The following NKX2-4 variants were observed in gnomAD, a reference collection of about 807,000 sequenced individuals.
NKX2-4 encodes the protein NK2 homeobox 4.
Under a neutral mutation model 8.6 loss-of-function variants are expected in NKX2-4, and 6 were observed. The ratio of observed to expected loss-of-function variants is 0.70; its 90% CI spans 0.38 to 1.38. The LOEUF (loss-of-function observed/expected upper bound fraction) is 1.38, where lower values mean the gene tolerates loss of function less well. Among genes scored for constraint, NKX2-4 ranks in the 40% most tolerant of loss-of-function variants. The pLI is 0.02. For missense variants in NKX2-4, 601 were observed against 548.4 expected, an observed-to-expected ratio of 1.10 and a Z score of -0.96; for synonymous variants, 299 against 272.6, an observed-to-expected ratio of 1.10 and a Z score of -0.95.
chr20:21,395,939 G>C lies in NKX2-4; in HGVS notation c.1037C>G (p.Ala346Gly), dbSNP rs753760933. Residue 346 changes from alanine to glycine, a missense_variant, in exon 2 of 2, where the codon GCC (alanine) becomes GGC (glycine). By Grantham distance (60) the Ala-to-Gly change is moderately conservative. Coordinates refer to ENST00000351817, the MANE Select transcript of NKX2-4 (RefSeq NM_033176.2). ...AGEYSGGVLG[A>G]NLLYGRTW is the part of the protein sequence containing the mutation. ...CCACGTCCTGCCATAGAGCAGGTTG[G>C]CGCCCAGGACGCCGCCGCTGTACTC... 1.3e-5 allele frequency: 18 copies of C among 1,337,324 alleles called. No homozygotes were observed. The highest frequency in any genetic ancestry group is 2.4e-5 in the South Asian group (1 of 41,726). 82.8% of individuals were successfully genotyped at this position (1,337,324 alleles called of 1,614,324 possible).
chr20:21,397,480 C>T lies in NKX2-4; in HGVS notation c.-81G>A, dbSNP rs932747867. The T allele has an allele frequency of 3.7e-5, 45 of 1,226,382 alleles. 1 individual carries two copies. The highest frequency in any genetic ancestry group is 8.9e-5 in the Admixed American group (2 of 22,382). The allele number at this position is 1,226,382 out of a possible 1,614,324, so 76.0% of individuals were successfully genotyped here. ...GGCCGCTCGTCGCCGCCACCTCGGC[C>T]GCGGCAGCTGAGCCTGTGACGAGGA... On this transcript the variant is annotated 5_prime_UTR_variant, in exon 1 of 2. Transcript: ENST00000351817.
In NKX2-4 at chr20:21,396,150, C is replaced by T. The variant is rs751148824; in HGVS notation, c.826G>A (p.Ala276Thr). 2 of 1,469,630 alleles carry T rather than the reference C, an allele frequency of 1.4e-6. No homozygotes were observed. Among genetic ancestry groups the T allele is most frequent in the East Asian group, 5.7e-5 (2 of 35,104 alleles). 91.0% of individuals were successfully genotyped at this position (1,469,630 alleles called of 1,614,324 possible). A position where few individuals can be genotyped will look rare whatever the true frequency, so the allele number is the denominator to read the frequency against. Residue 276 changes from alanine to threonine, a missense_variant, in exon 2 of 2, where the codon GCG becomes ACG. Coordinates refer to ENST00000351817, the MANE Select transcript of NKX2-4 (RefSeq NM_033176.2). ...PPPPPSPRRVAVPVLVKDGKP... is the reference protein window; with the variant it reads ...PPPPPSPRRVTVPVLVKDGKP... ...CCGTCCTTGACCAGCACAGGCACCG[C>T]CACGCGGCGCGGGGACGGCGGCGGA...
Position 21,397,367 on chromosome 20 carries a change from G to A in NKX2-4, c.33C>T (p.Phe11=), listed in dbSNP as rs1031850070. 3 of 1,448,388 alleles carry A rather than the reference G, an allele frequency of 2.1e-6. No homozygotes were observed. Among genetic ancestry groups the A allele is most frequent in the African/African-American group, 2.9e-5 (2 of 68,348 alleles). 89.7% of individuals were successfully genotyped at this position (1,448,388 alleles called of 1,614,324 possible). MSLSPKHTTP[F]SVSDILSPIE... ...TGGGGCTCAGGATGTCGGACACGGAGAAGGGCGTCGTGTGCTTTGGGCTCA... is the reference window on the plus strand; with the variant it reads ...TGGGGCTCAGGATGTCGGACACGGAAAAGGGCGTCGTGTGCTTTGGGCTCA... Residue 11 remains phenylalanine, a synonymous_variant, in exon 1 of 2, where the codon TTC becomes TTT. Transcript: ENST00000351817.
chr20:21,395,901 G>A lies in NKX2-4; in HGVS notation c.*10C>T, dbSNP rs1375931423. 7.6e-7 allele frequency: 1 copy of A among 1,314,216 alleles called. No individual in the cohort carries two copies. Among genetic ancestry groups the A allele is most frequent in the Non-Finnish European group, 9.7e-7 (1 of 1,030,008 alleles). The allele number at this position is 1,314,216 out of a possible 1,614,324, so 81.4% of individuals were successfully genotyped here. On this transcript the variant is annotated 3_prime_UTR_variant, in exon 2 of 2. Coordinates refer to ENST00000351817, the MANE Select transcript of NKX2-4 (RefSeq NM_033176.2). Reference sequence around the variant, plus strand: ...GTGCACCAGGACCTAGCCCCGGGGCGCCCTCGCTGTCACCACGTCCTGCCA... The same window carrying A: ...GTGCACCAGGACCTAGCCCCGGGGCACCCTCGCTGTCACCACGTCCTGCCA...
In NKX2-4 at chr20:21,397,328, G is replaced by C; in HGVS notation, c.72C>G (p.Tyr24Ter). 1.4e-6 allele frequency: 2 copies of C among 1,422,210 alleles called. No homozygotes were observed. Among genetic ancestry groups the C allele is most frequent in the Non-Finnish European group, 1.8e-6 (2 of 1,086,854 alleles). 88.1% of individuals were successfully genotyped at this position (1,422,210 alleles called of 1,614,324 possible). A position where few individuals can be genotyped will look rare whatever the true frequency, so the allele number is the denominator to read the frequency against. ...SDILSPIEETYKKFSGAMDGA... is the reference protein window; with the variant it reads ...SDILSPIEET ...CGTCCATGGCGCCGCTGAACTTCTT[G>C]TAGGTCTCCTCGATGGGGCTCAGGA... is the stretch of plus-strand genomic sequence containing the variant. The change falls in exon 1 of 2, where the codon TAC (tyrosine) becomes TAG (stop). Residue 24 changes from tyrosine to a stop codon, truncating the protein, a stop_gained. Coordinates refer to ENST00000351817, the MANE Select transcript of NKX2-4 (RefSeq NM_033176.2). LOFTEE classifies it high-confidence loss of function.
Position 21,397,291 on chromosome 20 carries a change from C to T in NKX2-4, c.109G>A (p.Gly37Ser), listed in dbSNP as rs1455181633. ...GCGGCCCCCAGGGGCGCCCCCAGGC[C>T]GGGTGGCGCGCCGTCCATGGCGCCG... is the stretch of plus-strand genomic sequence containing the variant. ...FSGAMDGAPP[G>S]LGAPLGAAAA... is the part of the protein sequence containing the mutation. Residue 37 changes from glycine to serine, a missense_variant, in exon 1 of 2, where the codon GGC becomes AGC. By Grantham distance (56) the Gly-to-Ser change is moderately conservative (BLOSUM62 0). Transcript: ENST00000351817. 1 of 1,297,564 alleles carries T rather than the reference C, an allele frequency of 7.7e-7. No homozygotes were observed. The allele number at this position is 1,297,564 out of a possible 1,614,324, so 80.4% of individuals were successfully genotyped here.
Position 21,397,441 on chromosome 20 carries a change from C to G in NKX2-4, c.-42G>C, listed in dbSNP as rs746291889. 5.5e-6 allele frequency: 7 copies of G among 1,263,720 alleles called. No homozygotes were observed. In the African/African-American group the frequency reaches 1.1e-4, roughly 20 times the overall value. The allele number at this position is 1,263,720 out of a possible 1,614,324, so 78.3% of individuals were successfully genotyped here. On this transcript the variant is annotated 5_prime_UTR_variant, in exon 1 of 2. Coordinates refer to ENST00000351817, the MANE Select transcript of NKX2-4 (RefSeq NM_033176.2). The stretch of plus-strand genomic sequence containing the variant: ...AGGTAGGGGGGCCTGGGGCGCGCGC[C>G]GGCAGGACGCGGCGGCCGCTCGTCG...
Position 21,397,187 on chromosome 20 carries a change from C to T in NKX2-4, c.213G>A (p.Met71Ile), listed in dbSNP as rs1280283790. The stretch of plus-strand genomic sequence containing the variant: ...CCGCGGCCGCCGCGTTGTGACCCGC[C>T]ATGGCGTGAGAAGGCTGCATGCCCG... ...TVAGMQPSHA[M>I]AGHNAAAAAA... The change falls in exon 1 of 2, where the codon ATG becomes ATA. Residue 71 changes from methionine (M) to isoleucine (I), a missense_variant. Met to Ile is a conservative substitution (Grantham distance 10, BLOSUM62 1). Transcript: ENST00000351817. The T allele has an allele frequency of 1.6e-6, 2 of 1,261,858 alleles. No individual in the cohort carries two copies. Among genetic ancestry groups the T allele is most frequent in the African/African-American group, 3.2e-5 (2 of 63,472 alleles). 78.2% of individuals were successfully genotyped at this position (1,261,858 alleles called of 1,614,324 possible). A position where few individuals can be genotyped will look rare whatever the true frequency, so the allele number is the denominator to read the frequency against.
At position 21,395,890 on chromosome 20, in the gene NKX2-4, A is replaced by C; in HGVS notation, c.*21T>G. ...AGACCCTTCGGGTGCACCAGGACCT[A>C]GCCCCGGGGCGCCCTCGCTGTCACC... On this transcript the variant is annotated 3_prime_UTR_variant, in exon 2 of 2. Coordinates refer to ENST00000351817, the MANE Select transcript of NKX2-4 (RefSeq NM_033176.2). The C allele has an allele frequency of 9.2e-6, 12 of 1,310,358 alleles. No individual in the cohort carries two copies. Among genetic ancestry groups the C allele is most frequent in the Non-Finnish European group, 9.7e-6 (10 of 1,028,088 alleles). The allele number at this position is 1,310,358 out of a possible 1,614,324, so 81.2% of individuals were successfully genotyped here. A position where few individuals can be genotyped will look rare whatever the true frequency, so the allele number is the denominator to read the frequency against.
rs748717551 is a variant in NKX2-4 at position 21,396,175 on chromosome 20, A to G, written c.801T>C (p.Pro267=). Residue 267 remains proline (P), a synonymous_variant, in exon 2 of 2, where the codon CCT becomes CCC. Transcript: ENST00000351817. ...CCACGCGGCGCGGGGACGGCGGCGG[A>G]GGCGGCGGCGGGCCCAGGCCGCCCT... is the stretch of plus-strand genomic sequence containing the variant. ...QQEGGLGPPP[P]PPPSPRRVAV... 1 of 1,499,974 alleles carries G rather than the reference A, an allele frequency of 6.7e-7. No individual in the cohort carries two copies. The highest frequency in any genetic ancestry group is 8.9e-7 in the Non-Finnish European group (1 of 1,128,902). 92.9% of individuals were successfully genotyped at this position (1,499,974 alleles called of 1,614,324 possible).
Position 21,396,550 on chromosome 20 carries a change from A to G in NKX2-4, c.443-17T>C, listed in dbSNP as rs755178877. 40 of 1,389,108 alleles carry G rather than the reference A, an allele frequency of 2.9e-5. 1 individual carries two copies. In the Admixed American group the frequency reaches 9.4e-4, roughly 33 times the overall value. 86.0% of individuals were successfully genotyped at this position (1,389,108 alleles called of 1,614,324 possible). ...ACCTGGAGACTGGGGAAGAGTCCCA[A>G]GGGGGAAGGCGAGTGAGCTCCAGGC... is the stretch of plus-strand genomic sequence containing the variant. On this transcript the variant is annotated splice_polypyrimidine_tract_variant and intron_variant, in intron 1 of 1. Transcript: ENST00000351817.
At position 21,396,305 on chromosome 20, in the gene NKX2-4, C is replaced by T; in HGVS notation, c.671G>A (p.Ser224Asn). Residue 224 changes from serine (S) to asparagine (N), a missense_variant, in exon 2 of 2, where the codon AGC (serine) becomes AAC (asparagine). Physicochemically the swap from Ser to Asn is conservative, Grantham distance 46. Coordinates refer to ENST00000351817, the MANE Select transcript of NKX2-4 (RefSeq NM_033176.2). The part of the protein sequence containing the change: ...LSAPEREHLA[S>N]MIHLTPTQVK... ...CTGCGTGGGCGTCAGGTGGATCATG[C>T]TGGCCAGGTGCTCGCGCTCGGGCGC... 6.2e-7 allele frequency: 1 copy of T among 1,605,362 alleles called. No individual in the cohort carries two copies. Among genetic ancestry groups the T allele is most frequent in the Middle Eastern group, 2.0e-4 (1 of 5,014 alleles).
At chr20:21,396,728 A>T (rs951444834) in intron 1 of NKX2-4, among the ~76,000 whole-genome samples, 195 bp from the exon 2 acceptor site, 2 of 146,810 alleles carry the variant, frequency 1.4e-5, no homozygotes, top group Non-Finnish European at 3.0e-5. Flanking sequence ...CACGCCCTCA[A>T]CGGGTCCCAG....
At position 21,397,345 on chromosome 20, in the gene NKX2-4, G is replaced by C; in HGVS notation, c.55C>G (p.Pro19Ala). The change falls in exon 1 of 2, where the codon CCC becomes GCC. Residue 19 changes from proline to alanine, a missense_variant. Physicochemically the swap from Pro to Ala is conservative, Grantham distance 27 (BLOSUM62 -1). Transcript: ENST00000351817. Reference sequence around the variant, plus strand: ...AACTTCTTGTAGGTCTCCTCGATGGGGCTCAGGATGTCGGACACGGAGAAG... The same window carrying C: ...AACTTCTTGTAGGTCTCCTCGATGGCGCTCAGGATGTCGGACACGGAGAAG... ...TPFSVSDILS[P>A]IEETYKKFSG... The C allele has an allele frequency of 6.9e-7, 1 of 1,444,838 alleles. No homozygotes were observed. Among genetic ancestry groups the C allele is most frequent in the African/African-American group, 1.5e-5 (1 of 68,384 alleles). The allele number at this position is 1,444,838 out of a possible 1,614,324, so 89.5% of individuals were successfully genotyped here.
Position 21,396,293 on chromosome 20 carries a change from A to C in NKX2-4, c.683T>G (p.Leu228Arg). ...CCAGATCTTGACCTGCGTGGGCGTCAGGTGGATCATGCTGGCCAGGTGCTC... is the reference window on the plus strand; with the variant it reads ...CCAGATCTTGACCTGCGTGGGCGTCCGGTGGATCATGCTGGCCAGGTGCTC... ...EREHLASMIHLTPTQVKIWFQ... is the reference protein window; with the variant it reads ...EREHLASMIHRTPTQVKIWFQ... Residue 228 changes from leucine (L) to arginine (R), a missense_variant, in exon 2 of 2, where the codon CTG (leucine) becomes CGG (arginine). By Grantham distance (102) the Leu-to-Arg change is moderately radical. Coordinates refer to ENST00000351817, the MANE Select transcript of NKX2-4 (RefSeq NM_033176.2). The C allele has an allele frequency of 6.2e-7, 1 of 1,605,608 alleles. No homozygotes were observed. Among genetic ancestry groups the C allele is most frequent in the African/African-American group, 1.4e-5 (1 of 73,614 alleles).
In NKX2-4 at chr20:21,395,992, G is replaced by A; in HGVS notation, c.984C>T (p.Gly328=). ...SPPALHGPGG[G]LAALDAAAGE... ...CGGCGGCCGCGTCCAGGGCCGCCAG[G>A]CCGCCCCCCGGGCCGTGCAGCGCGG... Residue 328 remains glycine (G), a synonymous_variant, in exon 2 of 2, where the codon GGC becomes GGT. Coordinates refer to ENST00000351817, the MANE Select transcript of NKX2-4 (RefSeq NM_033176.2). 1 of 1,260,494 alleles carries A rather than the reference G, an allele frequency of 7.9e-7. No individual in the cohort carries two copies. The highest frequency in any genetic ancestry group is 4.0e-5 in the Admixed American group (1 of 24,840). The allele number at this position is 1,260,494 out of a possible 1,614,324, so 78.1% of individuals were successfully genotyped here.
Position 21,396,971 on chromosome 20 carries a change from T to G in NKX2-4, c.429A>C (p.Pro143=). Residue 143 remains proline (P), a synonymous_variant, in exon 1 of 2, where the codon CCA becomes CCC. Transcript: ENST00000351817. ...GGCCCCTCTCACTTGACGAGTAGCG[T>G]GGGTCCGGGTTGGCGCCGTACCAGC... ...ATGWYGANPD[P]RYSSISRFMG... 6.8e-7 allele frequency: 1 copy of G among 1,466,238 alleles called. No individual in the cohort carries two copies. The highest frequency in any genetic ancestry group is 1.3e-5 in the South Asian group (1 of 77,136). The allele number at this position is 1,466,238 out of a possible 1,614,324, so 90.8% of individuals were successfully genotyped here.
In NKX2-4 at chr20:21,395,895, C is replaced by T; in HGVS notation, c.*16G>A. The T allele has an allele frequency of 1.5e-6, 2 of 1,312,642 alleles. No individual in the cohort carries two copies. Among genetic ancestry groups the T allele is most frequent in the African/African-American group, 1.5e-5 (1 of 66,362 alleles). The allele number at this position is 1,312,642 out of a possible 1,614,324, so 81.3% of individuals were successfully genotyped here. On this transcript the variant is annotated 3_prime_UTR_variant, in exon 2 of 2. Transcript: ENST00000351817. ...CTTCGGGTGCACCAGGACCTAGCCC[C>T]GGGGCGCCCTCGCTGTCACCACGTC...
At chr20:21,396,650 A>G in intron 1 of NKX2-4, 117 bp from the exon 2 acceptor site, 1 of 879,518 alleles carries the variant, frequency 1.1e-6, no homozygotes, top group Non-Finnish European at 1.6e-6. Context: ...CTGAATCCCA[A>G]GACCCCCTGA....
Sources: allele counts gnomAD v4.1 joint callset (sites outside exome capture counted in the v4.1 genomes callset), GRCh38; gene constraint gnomAD v4.1.1; transcripts MANE v1.5; gene names NCBI Gene and HGNC (gene_info 2026-07-23, HGNC 2026-07-21).